CIMAP3: variants seen among roughly 807,000 people sequenced by gnomAD.
The protein encoded by CIMAP3 is ciliary microtubule-associated protein 3.
the CIMAP3 span, among the ~76,000 whole-genome samples, chr1:111,347,447 G>A: frequency 2.6e-5 from 4 of 151,776 alleles, no homozygotes; most frequent in Non-Finnish European, 5.9e-5. Flanking sequence ...TACGTATCCA[G>A]CCACACCCCT....
the CIMAP3 span, chr1:111,350,106 C>T: frequency 4.3e-6 from 7 of 1,609,822 alleles, no homozygotes; most frequent in East Asian, 2.2e-5. Context: ...TTATTTCTAG[C>T]CCTGGTGCAT....
At chr1:111,328,127 T>C in the CIMAP3 span, among the ~76,000 whole-genome samples, 2 of 152,200 alleles carry the variant, frequency 1.3e-5, no homozygotes, top group East Asian at 1.9e-4. Flanking sequence ...TTCAGAAGCA[T>C]ATTGTTTAAT....
At chr1:111,344,051 G>A in the CIMAP3 span, among the ~76,000 whole-genome samples, 1 of 152,108 alleles carries the variant, frequency 6.6e-6, no homozygotes, top group Non-Finnish European at 1.5e-5. Context: ...GGATTTTTCT[G>A]TGGGTCTGTT....
chr1:111,325,937 G>C, the CIMAP3 span, among the ~76,000 whole-genome samples: 2 of 152,174 alleles, frequency 1.3e-5, no homozygotes, highest in Non-Finnish European at 2.9e-5. Context: ...AAGGTAAATA[G>C]CTTTAGTTGA....
the CIMAP3 span, among the ~76,000 whole-genome samples, chr1:111,329,808 C>T: frequency 9.9e-5 from 15 of 151,968 alleles, no homozygotes; most frequent in African/African-American, 3.6e-4. Context: ...CCCGCCTCAG[C>T]CTCCCAAAGT....
At chr1:111,329,443 C>A in the CIMAP3 span, among the ~76,000 whole-genome samples, 1 of 146,562 alleles carries the variant, frequency 6.8e-6, no homozygotes, top group Non-Finnish European at 1.5e-5. Context: ...ACATGTTTTC[C>A]AAGTTGTTTG....
At chr1:111,327,633 GT>G in the CIMAP3 span, among the ~76,000 whole-genome samples, 3 of 152,080 alleles carry the variant, frequency 2.0e-5, no homozygotes, top group Admixed American at 6.6e-5. Flanking sequence ...AAGTTGTCTA[GT>G]TTTTATGTGT....
the CIMAP3 span, chr1:111,346,779 T>A: frequency 6.4e-7 from 1 of 1,559,010 alleles, no homozygotes. Context: ...CCTCCAGGAG[T>A]TTGGCGTGGT....
At chr1:111,342,032 T>C in the CIMAP3 span, among the ~76,000 whole-genome samples, 1 of 152,058 alleles carries the variant, frequency 6.6e-6, no homozygotes, top group Non-Finnish European at 1.5e-5. Context: ...CAGAAAACTT[T>C]CCGAAACTTG....
At chr1:111,344,690 A>G in the CIMAP3 span, among the ~76,000 whole-genome samples, 73,668 of 152,116 alleles carry the variant, frequency 0.48, 18,117 homozygotes, top group South Asian at 0.54. Context: ...TGCGAAATAC[A>G]TTTCATGTCA....
At chr1:111,351,324 T>A in the CIMAP3 span, 1 of 1,575,552 alleles carries the variant, frequency 6.3e-7, no homozygotes, top group East Asian at 2.3e-5. Flanking sequence ...TGTATTATAA[T>A]TGAGCGGCTG....
the CIMAP3 span, among the ~76,000 whole-genome samples, chr1:111,328,162 G>A: frequency 1.3e-5 from 2 of 152,098 alleles, no homozygotes. Context: ...ATAGTTTTGA[G>A]CGATTTTCAT....
the CIMAP3 span, among the ~76,000 whole-genome samples, chr1:111,346,034 G>C: frequency 0.29 from 43,990 of 151,988 alleles, 7,322 homozygotes; most frequent in South Asian, 0.42. Context: ...AACTATTAGA[G>C]TCTTCTCTGA....
chr1:111,344,147 G>A, the CIMAP3 span, among the ~76,000 whole-genome samples: 1 of 152,154 alleles, frequency 6.6e-6, no homozygotes, highest in Non-Finnish European at 1.5e-5. Flanking sequence ...TGAGTCTCTG[G>A]ATGATATCTT....
chr1:111,333,274 C>G, the CIMAP3 span, among the ~76,000 whole-genome samples: 1 of 152,140 alleles, frequency 6.6e-6, no homozygotes, highest in African/African-American at 2.4e-5. Flanking sequence ...AGATCGGGCT[C>G]CACACTGCTG....
At chr1:111,328,839 C>T in the CIMAP3 span, among the ~76,000 whole-genome samples, 1 of 152,128 alleles carries the variant, frequency 6.6e-6, no homozygotes, top group African/African-American at 2.4e-5. Context: ...GGCATTCAGC[C>T]CAGTTACATT....
the CIMAP3 span, among the ~76,000 whole-genome samples, chr1:111,333,968 T>C: frequency 6.6e-6 from 1 of 152,332 alleles, no homozygotes; most frequent in Admixed American, 6.5e-5. Flanking sequence ...AATGTCTTTA[T>C]GTGGTATGTG....
At chr1:111,347,839 G>A in the CIMAP3 span, 1 of 1,127,638 alleles carries the variant, frequency 8.9e-7, no homozygotes, top group Non-Finnish European at 1.3e-6. Context: ...GCAAAGGGCA[G>A]AGAGCAAGAG....
the CIMAP3 span, among the ~76,000 whole-genome samples, chr1:111,337,382 A>G: frequency 6.6e-6 from 1 of 152,196 alleles, no homozygotes; most frequent in South Asian, 2.1e-4. Flanking sequence ...TAAATGCTCC[A>G]ATTAAAAGAC....
Sources: gnomAD v4.1 joint callset for allele counts (sites outside exome capture counted in the v4.1 genomes callset) on GRCh38, gnomAD v4.1.1 for gene constraint, MANE v1.5 for transcripts, NCBI Gene and HGNC (gene_info 2026-07-23, HGNC 2026-07-21) for gene names.